Variants in KHDC1 observed in about 807,000 individuals in gnomAD.
KHDC1 encodes the protein KH homology domain-containing protein 1.
Under a neutral mutation model 24.7 loss-of-function variants are expected in KHDC1, and 21 were observed. That is an observed-to-expected ratio of 0.85 (90% CI 0.60 to 1.23). The LOEUF is 1.23. Among genes scored for constraint, KHDC1 ranks in the 50% most tolerant of loss-of-function variants. KHDC1 has a pLI of 0.00. For missense variants in KHDC1, 274 were observed against 298.5 expected (o/e 0.92, Z 0.61); for synonymous variants, 98 against 111.7 (o/e 0.88, Z 0.77).
intron 2 of KHDC1, among the ~76,000 whole-genome samples, chr6:73,272,333 A>T (rs531381435): frequency 7.5e-4 from 114 of 151,400 alleles, no homozygotes; most frequent in African/African-American, 2.7e-3. Flanking sequence ...GGGTTTCACC[A>T]TGTTGTCTAA....
At chr6:73,263,645 G>A (rs142516975) in intron 2 of KHDC1, among the ~76,000 whole-genome samples, 37 of 151,980 alleles carry the variant, frequency 2.4e-4, no homozygotes, top group Middle Eastern at 3.4e-3. Flanking sequence ...ACCCTCTGCA[G>A]GGCACTTAAA....
chr6:73,261,254 C>A (rs1322560846), intron 2 of KHDC1, among the ~76,000 whole-genome samples: 1 of 151,418 alleles, frequency 6.6e-6, no homozygotes, highest in African/African-American at 2.4e-5. Flanking sequence ...ACCAGCCTGG[C>A]CAACATGGTG....
intron 2 of KHDC1, among the ~76,000 whole-genome samples, chr6:73,264,972 TGATTGAG>T (rs1184417800): frequency 6.6e-6 from 1 of 152,168 alleles, no homozygotes; most frequent in Non-Finnish European, 1.5e-5. Context: ...ATCTGAGAAC[TGATTGAG>T]GAGTGCATGT....
At chr6:73,296,504 A>G (rs1024380879) in intron 1 of KHDC1, among the ~76,000 whole-genome samples, 22 of 152,182 alleles carry the variant, frequency 1.4e-4, no homozygotes, top group African/African-American at 5.3e-4. Flanking sequence ...ATATCCTTAA[A>G]TGCTTCTAAC....
At chr6:73,285,593 C>G (rs940149819) in intron 2 of KHDC1, among the ~76,000 whole-genome samples, 4 of 151,908 alleles carry the variant, frequency 2.6e-5, no homozygotes, top group African/African-American at 9.7e-5. Flanking sequence ...CTCGGCCTCC[C>G]GAAGTGCTGG....
At chr6:73,271,223 G>T (rs9360658) in intron 2 of KHDC1, among the ~76,000 whole-genome samples, 10 of 151,088 alleles carry the variant, frequency 6.6e-5, no homozygotes, top group South Asian at 2.1e-4. Context: ...GTTGTTGTTG[G>T]GGGGGACAGA....
intron 2 of KHDC1, chr6:73,291,375 T>C (rs16883538): frequency 0.067 from 12,996 of 194,742 alleles, 473 homozygotes; most frequent in East Asian, 0.12. Context: ...TTAAGTAACA[T>C]CTGGTAGACT....
chr6:73,299,608 G>GC (rs59303044), intron 1 of KHDC1: 152,519 of 152,522 alleles, frequency 1, 76,258 homozygotes, highest in Non-Finnish European at 1. Flanking sequence ...GGCCGGCGGG[G>GC]CGCCTAAAAG....
intron 2 of KHDC1, among the ~76,000 whole-genome samples, chr6:73,271,276 C>T (rs1038354900): frequency 6.6e-6 from 1 of 151,812 alleles, no homozygotes; most frequent in Non-Finnish European, 1.5e-5. Context: ...GGCACAATCT[C>T]AGCTCACTGC....
intron 2 of KHDC1, among the ~76,000 whole-genome samples, chr6:73,271,527 G>A (rs1187257749): frequency 3.3e-5 from 5 of 151,666 alleles, no homozygotes; most frequent in Non-Finnish European, 4.4e-5. Context: ...TTTTTATTAT[G>A]AGTCTAAGTC....
chr6:73,281,114 C>T (rs1247307744), intron 2 of KHDC1, among the ~76,000 whole-genome samples: 1 of 151,966 alleles, frequency 6.6e-6, no homozygotes, highest in Non-Finnish European at 1.5e-5. Flanking sequence ...GAGGCCAAGG[C>T]AGGCGGATCA....
intron 2 of KHDC1, among the ~76,000 whole-genome samples, chr6:73,247,091 C>T (rs2150552815): frequency 6.6e-6 from 1 of 152,026 alleles, no homozygotes; most frequent in East Asian, 1.9e-4. Flanking sequence ...AATTCTCCTG[C>T]CTCAGCCTCC....
chr6:73,264,325 G>T (rs532108277), intron 2 of KHDC1, among the ~76,000 whole-genome samples: 1 of 152,312 alleles, frequency 6.6e-6, no homozygotes, highest in Admixed American at 6.5e-5. Flanking sequence ...TGAGTGAGGG[G>T]ACACAGACAC....
At chr6:73,309,808 A>G in exon 1 of KHDC1, 1 of 1,428,560 alleles carries the variant, frequency 7.0e-7, no homozygotes, top group Non-Finnish European at 9.4e-7. Context: ...GGAAGAGACC[A>G]GACACCGACG....
intron 1 of KHDC1, among the ~76,000 whole-genome samples, chr6:73,305,972 A>T (rs1157541169): frequency 3.3e-5 from 5 of 152,074 alleles, no homozygotes; most frequent in African/African-American, 1.2e-4. Context: ...GATTATTTTT[A>T]AATTGAGCAA....
intron 2 of KHDC1, among the ~76,000 whole-genome samples, chr6:73,255,401 T>C (rs892868363): frequency 4.0e-5 from 6 of 150,450 alleles, no homozygotes; most frequent in Non-Finnish European, 7.4e-5. Context: ...GCATTTTTAA[T>C]AGAGACAGGG....
intron 2 of KHDC1, among the ~76,000 whole-genome samples, chr6:73,243,661 A>G (rs549869261): frequency 6.6e-6 from 1 of 152,352 alleles, no homozygotes; most frequent in African/African-American, 2.4e-5. Context: ...TTTCAAAACC[A>G]GGCCATGAAA....
At chr6:73,266,161 A>T (rs1582564307) in intron 2 of KHDC1, among the ~76,000 whole-genome samples, 1 of 152,322 alleles carries the variant, frequency 6.6e-6, no homozygotes, top group East Asian at 1.9e-4. Context: ...CTTGGGGGAA[A>T]ATCCAAAGAT....
At chr6:73,309,237 A>T (rs188477629) in intron 1 of KHDC1, among the ~76,000 whole-genome samples, 1 of 152,334 alleles carries the variant, frequency 6.6e-6, no homozygotes, top group African/African-American at 2.4e-5. Flanking sequence ...AAAGAGATTT[A>T]GTGGAAGATG....
Sources: gnomAD v4.1 joint callset for allele counts (sites outside exome capture counted in the v4.1 genomes callset) on GRCh38, gnomAD v4.1.1 for gene constraint, MANE v1.5 for transcripts, NCBI Gene and HGNC (gene_info 2026-07-23, HGNC 2026-07-21) for gene names.